Variants in FKBP15 observed in about 807,000 individuals in gnomAD.
FKBP15 encodes the protein FKBP prolyl isomerase family member 15, also known as FK506-binding protein 15.
In FKBP15, 106 loss-of-function variants were observed where a neutral mutation model predicts 158.1. The ratio of observed to expected loss-of-function variants is 0.67; its 90% CI spans 0.57 to 0.79. FKBP15 has a LOEUF of 0.79. FKBP15 is among the 30% of genes least tolerant of loss of function. The pLI, the probability that FKBP15 is intolerant of heterozygous loss-of-function variation, is 0.00. For synonymous variants in FKBP15, 547 were observed against 548.6 expected (o/e 1.00, Z 0.04); for missense variants, 1,287 against 1,479.1 (o/e 0.87, Z 2.13).
rs3810906 is a variant in FKBP15, at chr9:113,162,824, C to T, written c.*3254G>A. The T allele has an allele frequency of 0.26, 417,002 of 1,612,962 alleles. 56,309 individuals are homozygous for T. The highest frequency in any genetic ancestry group is 0.42 in the East Asian group (18,895 of 44,810). ...TCATCGGCTACTTCATCATGCTGGC[C>T]GTAATGTCCTACAACACCTGGATTT... On this transcript the variant is annotated 3_prime_UTR_variant, in exon 28 of 28. Coordinates refer to ENST00000238256, the MANE Select transcript of FKBP15 (RefSeq NM_015258.2).
At chr9:113,171,463 T>G (rs1830207184) in intron 24 of FKBP15, 118 bp downstream of exon 24, 1 of 1,287,278 alleles carries the variant, frequency 7.8e-7, no homozygotes, top group African/African-American at 1.5e-5. Flanking sequence ...TTTAAAGTCA[T>G]CAGACAAGTA....
chr9:113,201,074 T>C lies in FKBP15; in HGVS notation c.499-1111A>G, dbSNP rs565227998. On this transcript the variant is annotated intron_variant, in intron 6 of 27. Coordinates refer to ENST00000238256, the MANE Select transcript of FKBP15 (RefSeq NM_015258.2). ...AAAAAAAAAAAGAGTTTCATTATTG[T>C]AATCAAATAAAAACAATGAGGCATC... Among the ~76,000 whole-genome samples, 15 of 147,842 alleles carry C rather than the reference T, an allele frequency of 1.0e-4. No individual in the cohort carries two copies. In the South Asian group the frequency reaches 3.0e-3, roughly 29 times the overall value.
chr9:113,218,810 T>C (rs1375698605), intron 1 of FKBP15, among the ~76,000 whole-genome samples: 1 of 152,198 alleles, frequency 6.6e-6, no homozygotes, highest in African/African-American at 2.4e-5. Context: ...AATCAACATT[T>C]GAATCTAGGC....
chr9:113,219,119 A>G (rs1284906168), intron 1 of FKBP15, among the ~76,000 whole-genome samples: 1 of 152,210 alleles, frequency 6.6e-6, no homozygotes, highest in Admixed American at 6.5e-5. Flanking sequence ...ATTACTTCCC[A>G]CAACGGTGAG....
chr9:113,183,653 A>G, intron 18 of FKBP15, 98 bp downstream of exon 18: 1 of 750,612 alleles, frequency 1.3e-6, no homozygotes, highest in Non-Finnish European at 2.2e-6. Context: ...TGGCAGAAAT[A>G]CATACGTACT....
chr9:113,203,439 A>T (rs774697174), intron 4 of FKBP15, among the ~76,000 whole-genome samples: 12 of 152,010 alleles, frequency 7.9e-5, no homozygotes, highest in Non-Finnish European at 1.6e-4. Context: ...CATTTCCCAC[A>T]CCACAGGAAG....
chr9:113,207,025 C>T, intron 3 of FKBP15, 187 bp downstream of exon 3: 1 of 569,562 alleles, frequency 1.8e-6, no homozygotes, highest in African/African-American at 1.9e-5. Flanking sequence ...AGACAGTAGA[C>T]AAGATAATGG....
chr9:113,211,721 C>A, intron 1 of FKBP15, 129 bp from the exon 2 acceptor site: 1 of 499,502 alleles, frequency 2.0e-6, no homozygotes, highest in Non-Finnish European at 3.5e-6. Flanking sequence ...ATACTAGAAA[C>A]ACTTCAAGCT....
At chr9:113,217,024 C>T (rs1461649102) in intron 1 of FKBP15, among the ~76,000 whole-genome samples, 1 of 151,208 alleles carries the variant, frequency 6.6e-6, no homozygotes, top group Non-Finnish European at 1.5e-5. Context: ...CTGCCTCAGC[C>T]TCCTGAGCAC....
At chr9:113,208,206 G>A (rs184097407) in intron 2 of FKBP15, among the ~76,000 whole-genome samples, 32 of 152,138 alleles carry the variant, frequency 2.1e-4, no homozygotes, top group African/African-American at 6.3e-4. Flanking sequence ...GGGTGGTGGC[G>A]CGCACCTGTA....
chr9:113,180,334 T>C, intron 19 of FKBP15, among the ~76,000 whole-genome samples: 1 of 152,230 alleles, frequency 6.6e-6, no homozygotes, highest in East Asian at 1.9e-4. Flanking sequence ...TTATATTTTA[T>C]GTTTGCTTAT....
At chr9:113,216,514 C>G (rs570024900) in intron 1 of FKBP15, among the ~76,000 whole-genome samples, 29 of 152,260 alleles carry the variant, frequency 1.9e-4, no homozygotes, top group African/African-American at 7.0e-4. Context: ...AAAGACATCA[C>G]CAAATGCTTA....
intron 15 of FKBP15, among the ~76,000 whole-genome samples, 199 bp downstream of exon 15, chr9:113,186,050 T>C (rs1587959223): frequency 6.6e-6 from 1 of 152,226 alleles, no homozygotes; most frequent in African/African-American, 2.4e-5. Flanking sequence ...TGCACAACTC[T>C]GCAAATTTAC....
Position 113,198,922 on chromosome 9 carries a change from A to T in FKBP15, c.650T>A (p.Val217Asp). 1 of 1,598,460 alleles carries T rather than the reference A, an allele frequency of 6.3e-7. No homozygotes were observed. The highest frequency in any genetic ancestry group is 8.5e-7 in the Non-Finnish European group (1 of 1,171,878). Residue 217 changes from valine (V) to aspartate (D), a missense_variant and splice_region_variant, in exon 8 of 28, where the codon GTT becomes GAT. Physicochemically the swap from Val to Asp is radical, Grantham distance 152 (BLOSUM62 -3). Coordinates refer to ENST00000238256, the MANE Select transcript of FKBP15 (RefSeq NM_015258.2). The surrounding 1 kb of genome is among the most constrained non-coding windows in gnomAD (Gnocchi z 5.2). ...WLFQNHVLGQ[V>D]FDSTANKDKL... Reference sequence around the variant, plus strand: ...ATCTTTGTTAGCAGTGGAGTCGAAAACCTGCAATTTGATCGAAGGAAATTA... The same window carrying T: ...ATCTTTGTTAGCAGTGGAGTCGAAATCCTGCAATTTGATCGAAGGAAATTA...
rs1421118252 is a variant in FKBP15, at chr9:113,184,731, G to A, written c.1572C>T (p.Ser524=). 1.2e-6 allele frequency: 2 copies of A among 1,608,606 alleles called. No homozygotes were observed. Among genetic ancestry groups the A allele is most frequent in the African/African-American group, 2.7e-5 (2 of 74,880 alleles). The change falls in exon 16 of 28, where the codon AGC becomes AGT. Residue 524 remains serine, a synonymous_variant. Transcript: ENST00000238256. This position sits in a 1 kb window ranked among gnomAD's most constrained non-coding sequence, Gnocchi z 4.5. ...GATGATCCATTTTATCAGCCACTTTGCTGACTGCCATTCGAATTTCAGTGT... is the reference window on the plus strand; with the variant it reads ...GATGATCCATTTTATCAGCCACTTTACTGACTGCCATTCGAATTTCAGTGT... ...QHNTEIRMAV[S]KVADKMDHLM...
At position 113,206,679 on chromosome 9, in the gene FKBP15, C is replaced by T. The variant is rs1416557928; in HGVS notation, c.255-101G>A. On this transcript the variant is annotated intron_variant, in intron 3 of 27. Coordinates refer to ENST00000238256, the MANE Select transcript of FKBP15 (RefSeq NM_015258.2). The stretch of plus-strand genomic sequence containing the variant: ...AGAAGTGGGAACAACAGTCATTCAG[C>T]CTCTAGGCAGGGACACAGGTGAGCG... 4 of 598,428 alleles carry T rather than the reference C, an allele frequency of 6.7e-6. No homozygotes were observed. The Admixed American group carries it at 1.2e-4, about 18-fold the overall frequency. 37.1% of individuals were successfully genotyped at this position (598,428 alleles called of 1,614,324 possible). A position where few individuals can be genotyped will look rare whatever the true frequency, so the allele number is the denominator to read the frequency against.
chr9:113,173,345 T>C, intron 23 of FKBP15, 108 bp downstream of exon 23: 1 of 1,173,516 alleles, frequency 8.5e-7, no homozygotes, highest in Non-Finnish European at 1.2e-6. Flanking sequence ...TTTTGTCTTC[T>C]AGATATTAAT....
At chr9:113,180,404 G>A (rs1830375050) in intron 19 of FKBP15, among the ~76,000 whole-genome samples, 3 of 15,168 alleles carry the variant, frequency 2.0e-4, no homozygotes, top group Admixed American at 8.3e-4. Flanking sequence ...AAAAAAATGT[G>A]TGTGTGTGTG....
intron 4 of FKBP15, chr9:113,206,257 C>T (rs922809093): frequency 2.0e-5 from 10 of 510,994 alleles, no homozygotes; most frequent in African/African-American, 1.7e-4. Flanking sequence ...CAAAAAAATG[C>T]CCAAATTCTT....
Sources: allele counts gnomAD v4.1 joint callset (sites outside exome capture counted in the v4.1 genomes callset), GRCh38; gene constraint gnomAD v4.1.1; non-coding constraint Gnocchi (gnomAD v3.1); transcripts MANE v1.5; gene names NCBI Gene and HGNC (gene_info 2026-07-23, HGNC 2026-07-21).